The following OR51L1 variants were observed in gnomAD, a reference collection of about 807,000 sequenced individuals.
OR51L1 encodes olfactory receptor 51L1.
A neutral mutation model predicts 1.4 loss-of-function variants in OR51L1; 1 was observed. The ratio of observed to expected loss-of-function variants is 0.72; its 90% CI spans 0.26 to 3.42. The LOEUF (loss-of-function observed/expected upper bound fraction) is 3.42, where lower values mean the gene tolerates loss of function less well. Among genes scored for constraint, OR51L1 ranks in the 30% most tolerant of loss-of-function variants. OR51L1 has a pLI of 0.20. For missense variants in OR51L1, 378 were observed against 380.0 expected, an observed-to-expected ratio of 0.99 and a Z score of 0.04; for synonymous variants, 156 against 144.2, an observed-to-expected ratio of 1.08 and a Z score of -0.59.
chr11:4,996,112 T>C (rs532298661), intron 1 of OR51L1, among the ~76,000 whole-genome samples: 11 of 152,236 alleles, frequency 7.2e-5, no homozygotes, highest in African/African-American at 2.2e-4. Flanking sequence ...GAGTTAATAA[T>C]ATTGTAGAAA....
rs1847113690 is a variant in OR51L1, at chr11:4,999,884, T to C, written c.902T>C (p.Ile301Thr). Residue 301 changes from isoleucine to threonine, a missense_variant, in exon 3 of 3, where the codon ATT (isoleucine) becomes ACT (threonine). Coordinates refer to ENST00000641819, the MANE Select transcript of OR51L1 (RefSeq NM_001004755.2). ...PIVYSVRTKQ[I>T]RLGILHKFVL... ...GTCTATAGTGTCAGAACAAAGCAGA[T>C]TCGTCTAGGAATTCTCCACAAGTTT... is the stretch of plus-strand genomic sequence containing the variant. 1 of 1,613,602 alleles carries C rather than the reference T, an allele frequency of 6.2e-7. No homozygotes were observed. Among genetic ancestry groups the C allele is most frequent in the African/African-American group, 1.3e-5 (1 of 74,924 alleles).
At position 5,001,471 on chromosome 11, in the gene OR51L1, A is replaced by G. The variant is rs1433180159; in HGVS notation, c.*1541A>G. 4 of 152,198 alleles carry G rather than the reference A, an allele frequency of 2.6e-5. No individual in the cohort carries two copies. The highest frequency in any genetic ancestry group is 9.6e-5 in the African/African-American group (4 of 41,454). The allele number at this position is 152,198 out of a possible 1,614,324, so 9.4% of individuals were successfully genotyped here. ...TGGGCAATTGTGTTGACTCTGTTCAATACTATAGGACAGGATTTTGTGTCT... is the reference window on the plus strand; with the variant it reads ...TGGGCAATTGTGTTGACTCTGTTCAGTACTATAGGACAGGATTTTGTGTCT... On this transcript the variant is annotated 3_prime_UTR_variant, in exon 3 of 3. Coordinates refer to ENST00000641819, the MANE Select transcript of OR51L1 (RefSeq NM_001004755.2).
rs900060073 is a variant in OR51L1 at position 5,004,678 on chromosome 11, C to A, written c.*4748C>A. The A allele has an allele frequency of 1.3e-5, 2 of 152,126 alleles. No individual in the cohort carries two copies. The highest frequency in any genetic ancestry group is 6.6e-5 in the Admixed American group (1 of 15,262). The allele number at this position is 152,126 out of a possible 1,614,324, so 9.4% of individuals were successfully genotyped here. On this transcript the variant is annotated 3_prime_UTR_variant, in exon 3 of 3. Coordinates refer to ENST00000641819, the MANE Select transcript of OR51L1 (RefSeq NM_001004755.2). Reference sequence around the variant, plus strand: ...CATGAATCTGTGAAGGAAAAAATGTCCATTGAGCCCAGTTCCATTGTTGCA... The same window carrying A: ...CATGAATCTGTGAAGGAAAAAATGTACATTGAGCCCAGTTCCATTGTTGCA...
rs1847097004 is a variant in OR51L1 at position 4,998,913 on chromosome 11, A to G, written c.-70A>G. The G allele has an allele frequency of 9.9e-6, 15 of 1,508,800 alleles. 1 individual carries two copies. In the South Asian group the frequency reaches 1.9e-4, roughly 19 times the overall value. The allele number at this position is 1,508,800 out of a possible 1,614,324, so 93.5% of individuals were successfully genotyped here. On this transcript the variant is annotated 5_prime_UTR_variant, in exon 3 of 3. Coordinates refer to ENST00000641819, the MANE Select transcript of OR51L1 (RefSeq NM_001004755.2). ...ATTCCATTATTTGTACTCAAAAGAG[A>G]TAACTTTGAGGGATCAGGAAGGAAA... is the stretch of plus-strand genomic sequence containing the variant.
At chr11:4,996,769 C>CTTTCTTTCTTTCTTTG (rs1554896491) in intron 1 of OR51L1, among the ~76,000 whole-genome samples, 3 of 84,692 alleles carry the variant, frequency 3.5e-5, no homozygotes, top group African/African-American at 1.4e-4. Context: ...TTCTTTCTTT[C>CTTTCTTTCTTTCTTTG]ATTTCTCTCT....
In OR51L1 at chr11:4,999,915, A is replaced by G; in HGVS notation, c.933A>G (p.Leu311=). ...IRLGILHKFV[L]RRRF is the part of the protein sequence containing the mutation. ...TAGGAATTCTCCACAAGTTTGTCCT[A>G]AGGAGGAGGTTTTAAGTAACCTCTG... is the stretch of plus-strand genomic sequence containing the variant. Residue 311 remains leucine (L), a synonymous_variant, in exon 3 of 3, where the codon CTA becomes CTG. Coordinates refer to ENST00000641819, the MANE Select transcript of OR51L1 (RefSeq NM_001004755.2). 6.2e-7 allele frequency: 1 copy of G among 1,608,836 alleles called. No homozygotes were observed. Among genetic ancestry groups the G allele is most frequent in the Non-Finnish European group, 8.5e-7 (1 of 1,176,932 alleles).
Position 4,995,575 on chromosome 11 carries a change from T to C in OR51L1, c.-262+240T>C, listed in dbSNP as rs1402266538. 4.8e-5 allele frequency among the ~76,000 whole-genome samples: 7 copies of C among 146,572 alleles called. 1 individual carries two copies. Among genetic ancestry groups the C allele is most frequent in the African/African-American group, 1.8e-4 (7 of 39,332 alleles). Reference sequence around the variant, plus strand: ...AAGCTGATTAGCAGAGAATAGGTTTTGATACTAGAGAGGCTGTAAAAAAAT... The same window carrying C: ...AAGCTGATTAGCAGAGAATAGGTTTCGATACTAGAGAGGCTGTAAAAAAAT... On this transcript the variant is annotated intron_variant, in intron 1 of 2. Coordinates refer to ENST00000641819, the MANE Select transcript of OR51L1 (RefSeq NM_001004755.2).
intron 1 of OR51L1, among the ~76,000 whole-genome samples, chr11:4,997,193 C>T (rs1027577587): frequency 6.6e-6 from 1 of 152,234 alleles, no homozygotes; most frequent in African/African-American, 2.4e-5. Context: ...CTTCTCATTA[C>T]ATGGAGAAGA....
At position 5,001,834 on chromosome 11, in the gene OR51L1, G is replaced by T. The variant is rs575613384; in HGVS notation, c.*1904G>T. 5 of 152,182 alleles carry T rather than the reference G, an allele frequency of 3.3e-5. No individual in the cohort carries two copies. Among genetic ancestry groups the T allele is most frequent in the South Asian group, 4.1e-4 (2 of 4,828 alleles). The allele number at this position is 152,182 out of a possible 1,614,324, so 9.4% of individuals were successfully genotyped here. On this transcript the variant is annotated 3_prime_UTR_variant, in exon 3 of 3. Transcript: ENST00000641819. ...TTAAATAATTGAAATAACTATTATA[G>T]TTATTGCTGTTAGTACTGTGGATAT...
Position 4,999,585 on chromosome 11 carries a change from G to A in OR51L1, c.603G>A (p.Gly201=), listed in dbSNP as rs1847107783. The change falls in exon 3 of 3, where the codon GGG becomes GGA. Residue 201 remains glycine, a synonymous_variant. Coordinates refer to ENST00000641819, the MANE Select transcript of OR51L1 (RefSeq NM_001004755.2). ...CTDARTNSIY[G]LCVVIATLGV... is the part of the protein sequence containing the mutation. Reference sequence around the variant, plus strand: ...ATGCCAGGACCAACAGTATTTATGGGCTTTGTGTAGTCATTGCCACACTAG... The same window carrying A: ...ATGCCAGGACCAACAGTATTTATGGACTTTGTGTAGTCATTGCCACACTAG... The A allele has an allele frequency of 6.2e-7, 1 of 1,613,938 alleles. No individual in the cohort carries two copies. Among genetic ancestry groups the A allele is most frequent in the Admixed American group, 1.7e-5 (1 of 59,982 alleles).
rs926339269 is a variant in OR51L1, at chr11:5,000,594, G to A, written c.*664G>A. ...GGGAGTGTTACCAAATATAGTTTCA[G>A]TTGATGCCACTTGCAAAATCATATA... is the stretch of plus-strand genomic sequence containing the variant. On this transcript the variant is annotated 3_prime_UTR_variant, in exon 3 of 3. Transcript: ENST00000641819. 1.3e-5 allele frequency: 2 copies of A among 152,192 alleles called. No homozygotes were observed. The highest frequency in any genetic ancestry group is 2.9e-5 in the Non-Finnish European group (2 of 68,068). The allele number at this position is 152,192 out of a possible 1,614,324, so 9.4% of individuals were successfully genotyped here.
chr11:4,998,194 A>AAC lies in OR51L1; in HGVS notation c.-159-589_-159-588dup, dbSNP rs3066001. ...AAACTATTTAAACTCTTATTTCACA[A>AAC]ACACACACACACACACACACACACA... is the stretch of plus-strand genomic sequence containing the variant. On this transcript the variant is annotated intron_variant, in intron 2 of 2. Coordinates refer to ENST00000641819, the MANE Select transcript of OR51L1 (RefSeq NM_001004755.2). Among the ~76,000 whole-genome samples the AAC allele has an allele frequency of 3.9e-3, 570 of 145,864 alleles. 3 individuals carry two copies. The highest frequency in any genetic ancestry group is 0.018 in the East Asian group (86 of 4,858).
intron 1 of OR51L1, among the ~76,000 whole-genome samples, chr11:4,996,304 C>A (rs949459988): frequency 6.7e-6 from 1 of 149,578 alleles, no homozygotes; most frequent in African/African-American, 2.4e-5. Flanking sequence ...ATGTATATGT[C>A]TATGTATATG....
Position 4,999,042 on chromosome 11 carries a change from TGGA to T in OR51L1, c.61_63del (p.Gly21del). 6.2e-7 allele frequency: 1 copy of T among 1,614,130 alleles called. No individual in the cohort carries two copies. Among genetic ancestry groups the T allele is most frequent in the Non-Finnish European group, 8.5e-7 (1 of 1,179,958 alleles). On this transcript the variant is annotated inframe_deletion, in exon 3 of 3. Transcript: ENST00000641819. The stretch of plus-strand genomic sequence containing the variant: ...CCATATTTATCCTGAGGGGTTTTCC[TGGA>T]CTGGAGTATGTTCATTCTTGGCTCT...
At chr11:4,998,341 A>G (rs1847091289) in intron 2 of OR51L1, among the ~76,000 whole-genome samples, 1 of 152,086 alleles carries the variant, frequency 6.6e-6, no homozygotes, top group Non-Finnish European at 1.5e-5. Context: ...TTGGTTAAAT[A>G]GCAGCTCAAT....
chr11:4,995,547 G>A (rs919033544), intron 1 of OR51L1, among the ~76,000 whole-genome samples: 2 of 151,976 alleles, frequency 1.3e-5, no homozygotes, highest in Admixed American at 6.6e-5. Context: ...TAAGATAAGC[G>A]ATAAGCTGAT....
At position 5,005,450 on chromosome 11, in the gene OR51L1, T is replaced by A. The variant is rs1421677726; in HGVS notation, c.*5520T>A. 2 of 152,158 alleles carry A rather than the reference T, an allele frequency of 1.3e-5. No individual in the cohort carries two copies. The highest frequency in any genetic ancestry group is 2.9e-5 in the Non-Finnish European group (2 of 68,028). The allele number at this position is 152,158 out of a possible 1,614,324, so 9.4% of individuals were successfully genotyped here. A position where few individuals can be genotyped will look rare whatever the true frequency, so the allele number is the denominator to read the frequency against. On this transcript the variant is annotated 3_prime_UTR_variant, in exon 3 of 3. Transcript: ENST00000641819. ...TTTAAGGAAATGGATAAATACACAA[T>A]GTCCTGAAAACCTTTGTGGAAATAG...
In OR51L1 at chr11:5,000,405, G is replaced by T. The variant is rs1564823216; in HGVS notation, c.*475G>T. 6.4e-6 allele frequency: 1 copy of T among 155,520 alleles called. No homozygotes were observed. The highest frequency in any genetic ancestry group is 1.4e-5 in the Non-Finnish European group (1 of 70,132). 9.6% of individuals were successfully genotyped at this position (155,520 alleles called of 1,614,324 possible). A position where few individuals can be genotyped will look rare whatever the true frequency, so the allele number is the denominator to read the frequency against. Reference sequence around the variant, plus strand: ...TTTATGAAAAATTTGAGTCCTTAGGGCAAGTTTGGAACTTGAGTTCCTGAC... The same window carrying T: ...TTTATGAAAAATTTGAGTCCTTAGGTCAAGTTTGGAACTTGAGTTCCTGAC... On this transcript the variant is annotated 3_prime_UTR_variant, in exon 3 of 3. Coordinates refer to ENST00000641819, the MANE Select transcript of OR51L1 (RefSeq NM_001004755.2).
Position 5,002,445 on chromosome 11 carries a change from C to G in OR51L1, c.*2515C>G, listed in dbSNP as rs1320408931. ...CATTTCCTCCCACAAAAAAAGGGCT[C>G]TGACATGGGCTATGATGGACAAAGA... On this transcript the variant is annotated 3_prime_UTR_variant, in exon 3 of 3. Transcript: ENST00000641819. The G allele has an allele frequency of 6.6e-6, 1 of 152,184 alleles. No individual in the cohort carries two copies. Among genetic ancestry groups the G allele is most frequent in the East Asian group, 1.9e-4 (1 of 5,204 alleles). The allele number at this position is 152,184 out of a possible 1,614,324, so 9.4% of individuals were successfully genotyped here. A position where few individuals can be genotyped will look rare whatever the true frequency, so the allele number is the denominator to read the frequency against.
Sources: gnomAD v4.1 joint callset for allele counts (sites outside exome capture counted in the v4.1 genomes callset) on GRCh38, gnomAD v4.1.1 for gene constraint, MANE v1.5 for transcripts, NCBI Gene and HGNC (gene_info 2026-07-23, HGNC 2026-07-21) for gene names.